Variants in SH3D19 observed in about 807,000 individuals in gnomAD.
SH3D19 encodes SH3 domain containing 19.
In SH3D19, 58 loss-of-function variants were observed where a neutral mutation model predicts 112.1. That is an observed-to-expected ratio of 0.52 (90% CI 0.42 to 0.64). SH3D19 has a LOEUF of 0.64. SH3D19 is among the 30% of genes least tolerant of loss of function. The probability of loss-of-function intolerance (pLI) is 0.00; values close to 1 mark genes in which losing one functional copy is unlikely to be tolerated. For synonymous variants in SH3D19, 391 were observed against 448.5 expected, an observed-to-expected ratio of 0.87 and a Z score of 1.62; for missense variants, 1,090 against 1,263.4, an observed-to-expected ratio of 0.86 and a Z score of 2.08.
chr4:151,238,553 T>C (rs1770310358), intron 1 of SH3D19, among the ~76,000 whole-genome samples: 1 of 152,086 alleles, frequency 6.6e-6, no homozygotes, highest in African/African-American at 2.4e-5. Context: ...CCCTGCAAAA[T>C]GAACAAATAT....
At chr4:151,159,531 G>A (rs1299163030) in intron 8 of SH3D19, among the ~76,000 whole-genome samples, 179 bp from the exon 9 acceptor site, 2 of 152,176 alleles carry the variant, frequency 1.3e-5, no homozygotes, top group African/African-American at 4.8e-5. Context: ...GTCAACATCA[G>A]TTAATTTTAC....
intron 1 of SH3D19, among the ~76,000 whole-genome samples, chr4:151,227,573 T>G (rs1769207236): frequency 6.6e-6 from 1 of 152,250 alleles, no homozygotes; most frequent in African/African-American, 2.4e-5. Context: ...TATCATGTTT[T>G]TCATTTGATG....
chr4:151,312,782 T>C (rs1409439017), intron 1 of SH3D19, among the ~76,000 whole-genome samples: 3 of 151,796 alleles, frequency 2.0e-5, no homozygotes, highest in Non-Finnish European at 4.4e-5. Context: ...GCACCTGTAG[T>C]CCCAGCTACT....
chr4:151,210,478 T>G (rs1317106688), intron 2 of SH3D19, among the ~76,000 whole-genome samples: 1 of 151,290 alleles, frequency 6.6e-6, no homozygotes, highest in Non-Finnish European at 1.5e-5. Context: ...CTCAGCTTAC[T>G]GCAAGCTCCG....
At chr4:151,273,589 CAAAAA>C (rs60600816) in intron 1 of SH3D19, among the ~76,000 whole-genome samples, 10 of 64,650 alleles carry the variant, frequency 1.5e-4, no homozygotes, top group South Asian at 1.1e-3. Flanking sequence ...GACTCCATCT[CAAAAA>C]AAAAAAAAAA....
At chr4:151,260,095 G>T (rs538814649) in intron 1 of SH3D19, among the ~76,000 whole-genome samples, 1 of 152,148 alleles carries the variant, frequency 6.6e-6, no homozygotes, top group East Asian at 1.9e-4. Context: ...TATTTTATTT[G>T]TATGCATTTA....
At chr4:151,214,830 T>C (rs1312207956) in intron 2 of SH3D19, among the ~76,000 whole-genome samples, 2 of 135,084 alleles carry the variant, frequency 1.5e-5, no homozygotes, top group African/African-American at 2.6e-5. Flanking sequence ...ACCTCCCTCC[T>C]GGACAGGGCG....
At chr4:151,238,266 T>C (rs1770281562) in intron 1 of SH3D19, among the ~76,000 whole-genome samples, 1 of 148,480 alleles carries the variant, frequency 6.7e-6, no homozygotes. Flanking sequence ...ATAGATTAAA[T>C]GTAAATTTTT....
intron 12 of SH3D19, 44 bp downstream of exon 12, chr4:151,143,866 C>T (rs764828873): frequency 1.2e-4 from 182 of 1,557,408 alleles, no homozygotes; most frequent in Non-Finnish European, 1.4e-4. Flanking sequence ...ATGAAATGTG[C>T]TGCTATGTGT....
At position 151,175,072 on chromosome 4, in the gene SH3D19, C is replaced by T; in HGVS notation, c.1132G>A (p.Val378Ile). ...TTCTTTGGCAATTCAGGTTTGGTTA[C>T]TGGGATGCTTCCCGCTTCTTGCAGG... Reference protein sequence around the residue: ...PPLQEAGSIPVTKPELPKKPN... With the variant: ...PPLQEAGSIPITKPELPKKPN... The change falls in exon 7 of 20, where the codon GTA becomes ATA. Residue 378 changes from valine (V) to isoleucine (I), a missense_variant. Physicochemically the swap from Val to Ile is conservative, Grantham distance 29. Transcript: ENST00000604030. The T allele has an allele frequency of 1.2e-6, 2 of 1,614,146 alleles. No individual in the cohort carries two copies. The highest frequency in any genetic ancestry group is 2.2e-5 in the East Asian group (1 of 44,882).
chr4:151,229,660 C>T (rs1429292350), intron 1 of SH3D19, among the ~76,000 whole-genome samples: 1 of 152,174 alleles, frequency 6.6e-6, no homozygotes, highest in Non-Finnish European at 1.5e-5. Flanking sequence ...CACCTGTAAT[C>T]CCAGTACTTT....
chr4:151,286,572 T>C (rs1022189811), intron 1 of SH3D19, among the ~76,000 whole-genome samples: 4 of 122,434 alleles, frequency 3.3e-5, no homozygotes, highest in African/African-American at 1.2e-4. Context: ...ATAAACCTAA[T>C]AAAAAGTAAA....
chr4:151,198,709 T>C (rs1011973730), intron 2 of SH3D19, among the ~76,000 whole-genome samples: 1 of 151,854 alleles, frequency 6.6e-6, no homozygotes, highest in Non-Finnish European at 1.5e-5. Context: ...GGCAAAACAA[T>C]GTAAATTCAT....
At chr4:151,299,750 A>G (rs908996368) in intron 1 of SH3D19, among the ~76,000 whole-genome samples, 7 of 152,096 alleles carry the variant, frequency 4.6e-5, no homozygotes, top group Admixed American at 1.3e-4. Flanking sequence ...ACAAGAAAAA[A>G]AATGCACTTG....
chr4:151,279,810 G>A, intron 1 of SH3D19: 4 of 1,613,972 alleles, frequency 2.5e-6, no homozygotes, highest in Non-Finnish European at 3.4e-6. Flanking sequence ...TGGGCAACCT[G>A]TATACTCCAG....
At chr4:151,179,529 TA>T (rs33920596) in intron 3 of SH3D19, 132 bp from the exon 4 acceptor site, 320,890 of 408,864 alleles carry the variant, frequency 0.78, 133,732 homozygotes, top group Non-Finnish European at 0.89. Context: ...TTAATATCCT[TA>T]AAAAAAAGTA....
rs145275555 is a variant in SH3D19, at chr4:151,232,549, T to C, written c.113-6463A>G. On this transcript the variant is annotated intron_variant, in intron 1 of 19. Transcript: ENST00000604030. ...AAATGATACTGCATCATAGTGACTG[T>C]ACAAGTCACTTAACCTCCCTAAGCC... Among the ~76,000 whole-genome samples the C allele has an allele frequency of 7.3e-3, 1,117 of 152,298 alleles. 48 individuals are homozygous for C. The highest frequency in any genetic ancestry group is 0.064 in the Admixed American group (977 of 15,306).
intron 2 of SH3D19, among the ~76,000 whole-genome samples, chr4:151,195,651 A>G (rs950920155): frequency 6.6e-6 from 1 of 151,868 alleles, no homozygotes; most frequent in African/African-American, 2.4e-5. Flanking sequence ...GTGTTTTTAC[A>G]TATTAGTTCC....
At chr4:151,159,862 C>T (rs1041069357) in intron 8 of SH3D19, among the ~76,000 whole-genome samples, 1 of 152,142 alleles carries the variant, frequency 6.6e-6, no homozygotes, top group East Asian at 1.9e-4. Context: ...GTAGAAAGTT[C>T]TATCGCACAG....
Sources: allele counts gnomAD v4.1 joint callset (sites outside exome capture counted in the v4.1 genomes callset), GRCh38; gene constraint gnomAD v4.1.1; transcripts MANE v1.5; gene names NCBI Gene and HGNC (gene_info 2026-07-23, HGNC 2026-07-21).